The following COL6A2 variants were observed in gnomAD, a reference collection of about 807,000 sequenced individuals.
COL6A2 encodes the protein collagen alpha-2(VI) chain.
In COL6A2, 90 loss-of-function variants were observed where a neutral mutation model predicts 124.9. That is an observed-to-expected ratio of 0.72 (90% CI 0.61 to 0.86). The LOEUF is 0.86. Ranked by LOEUF, COL6A2 falls within the 40% of genes least tolerant of loss-of-function variation. The probability of loss-of-function intolerance (pLI) is 0.00; values close to 1 mark genes in which losing one functional copy is unlikely to be tolerated. For missense variants in COL6A2, 1,607 were observed against 1,502.5 expected (o/e 1.07, Z -1.15); for synonymous variants, 793 against 618.2 (o/e 1.28, Z -4.19).
intron 21 of COL6A2, among the ~76,000 whole-genome samples, chr21:46,123,217 A>C (rs879661482): frequency 5.6e-4 from 38 of 67,422 alleles, no homozygotes; most frequent in Admixed American, 1.9e-3. Context: ...ACATCCCCCC[A>C]GAGTCCCCTC....
intron 26 of COL6A2, 27 bp from the exon 27 acceptor site, chr21:46,126,476 T>TGGCCTGGCCCGGCCC: frequency 6.2e-7 from 1 of 1,611,510 alleles, no homozygotes; most frequent in Non-Finnish European, 8.5e-7. Flanking sequence ...GACCCTGGCC[T>TGGCCTGGCCCGGCCC]GGCCCGGCCT....
intron 4 of COL6A2, 51 bp from the exon 5 acceptor site, chr21:46,113,957 C>T: frequency 6.7e-7 from 1 of 1,497,236 alleles, no homozygotes; most frequent in Non-Finnish European, 9.3e-7. Context: ...GCCCTGCCAC[C>T]TGAGGAATGT....
In COL6A2 at chr21:46,116,897, C is replaced by A; in HGVS notation, c.999+83C>A. On this transcript the variant is annotated intron_variant, in intron 10 of 27. Transcript: ENST00000300527. The surrounding 1 kb of genome is among the most constrained non-coding windows in gnomAD (Gnocchi z 4.6). ...GCAGGGCCCCCAGATCCAGCCTGAT[C>A]TGTCAGCTTACACATGTGTACACAC... is the stretch of plus-strand genomic sequence containing the variant. 7.2e-7 allele frequency: 1 copy of A among 1,395,574 alleles called. No individual in the cohort carries two copies. Among genetic ancestry groups the A allele is most frequent in the African/African-American group, 1.4e-5 (1 of 70,310 alleles). 86.4% of individuals were successfully genotyped at this position (1,395,574 alleles called of 1,614,324 possible).
At chr21:46,118,290 C>A (rs1220961402) in intron 12 of COL6A2, among the ~76,000 whole-genome samples, 1 of 152,146 alleles carries the variant, frequency 6.6e-6, no homozygotes, top group Admixed American at 6.5e-5. Context: ...CCGCCCCTGG[C>A]GGCCCCAGGA....
intron 1 of COL6A2, among the ~76,000 whole-genome samples, chr21:46,109,407 C>T (rs1048541709): frequency 1.1e-4 from 17 of 152,314 alleles, no homozygotes; most frequent in African/African-American, 3.8e-4. Context: ...AAGAAAGCAC[C>T]TTGAGTTCCC....
chr21:46,117,369 C>G, intron 10 of COL6A2, 31 bp from the exon 11 acceptor site: 2 of 1,609,808 alleles, frequency 1.2e-6, no homozygotes, highest in Non-Finnish European at 1.7e-6. Context: ...GAACCCCGCC[C>G]TGAGACTCCT....
intron 16 of COL6A2, 38 bp from the exon 17 acceptor site, chr21:46,121,022 TC>T: frequency 6.3e-7 from 1 of 1,594,900 alleles, no homozygotes; most frequent in Non-Finnish European, 8.6e-7. Flanking sequence ...GGTGCTGCTG[TC>T]AGTCAAGAGA....
chr21:46,122,994 G>A (rs1404670824), intron 21 of COL6A2, 57 bp downstream of exon 21: 3 of 1,526,646 alleles, frequency 2.0e-6, no homozygotes, highest in Non-Finnish European at 2.7e-6. Flanking sequence ...GAGGGGCCCT[G>A]AGGCTGAGCG....
At chr21:46,110,089 C>T (rs2078378565) in intron 1 of COL6A2, among the ~76,000 whole-genome samples, 2 of 152,196 alleles carry the variant, frequency 1.3e-5, no homozygotes, top group Admixed American at 1.3e-4. Flanking sequence ...GGGGCAGGGT[C>T]TCCAGACCTG....
Position 46,120,505 on chromosome 21 carries a change from C to T in COL6A2, c.1333-10C>T, listed in dbSNP as rs199513044. The T allele has an allele frequency of 2.6e-6, 4 of 1,521,328 alleles. No homozygotes were observed. Among genetic ancestry groups the T allele is most frequent in the Non-Finnish European group, 2.6e-6 (3 of 1,135,948 alleles). 94.2% of individuals were successfully genotyped at this position (1,521,328 alleles called of 1,614,324 possible). On this transcript the variant is annotated splice_polypyrimidine_tract_variant and intron_variant, in intron 15 of 27. Coordinates refer to ENST00000300527, the MANE Select transcript of COL6A2 (RefSeq NM_001849.4). ...CTGAGACCCGTGGGGCCTCCCTTCC[C>T]TTCCCACAGGGGGACCCTGGCCCTG...
intron 23 of COL6A2, 151 bp downstream of exon 23, chr21:46,125,071 G>A: frequency 8.3e-7 from 1 of 1,210,696 alleles, no homozygotes; most frequent in Non-Finnish European, 1.2e-6. Context: ...AGCTTGGTTG[G>A]GGAAGGTCAC....
At position 46,132,176 on chromosome 21, in the gene COL6A2, G is replaced by A. The variant is rs112139050; in HGVS notation, c.2684G>A (p.Ser895Asn). 3.2e-6 allele frequency: 5 copies of A among 1,572,680 alleles called. No individual in the cohort carries two copies. In the African/African-American group the frequency reaches 4.1e-5, roughly 13 times the overall value. The change falls in exon 28 of 28, where the codon AGC (serine) becomes AAC (asparagine). Residue 895 changes from serine (S) to asparagine (N), a missense_variant. Around this residue, in one of 3 missense-constraint regions of COL6A2, gnomAD observed 1,223 missense variants for 1,052.2 expected, o/e 1.16. Transcript: ENST00000300527. ...GAGCAGCAGGTGGCCTTCCCGCTGA[G>A]CCACAACCTCACGGCCATCCACGAG... ...PGEQQVAFPL[S>N]HNLTAIHEAL...
rs560403830 is a variant in COL6A2, at chr21:46,122,385, C to G, written c.1573-111C>G. On this transcript the variant is annotated intron_variant, in intron 19 of 27. Transcript: ENST00000300527. ...CAGAACGCAGCACAGTGGCCTCACC[C>G]AGAGTGTGAATGAGCGAGGGAGGGA... 3.3e-5 allele frequency: 48 copies of G among 1,459,292 alleles called. 1 individual carries two copies. In the East Asian group the frequency reaches 4.5e-4, roughly 14 times the overall value. The allele number at this position is 1,459,292 out of a possible 1,614,324, so 90.4% of individuals were successfully genotyped here. A position where few individuals can be genotyped will look rare whatever the true frequency, so the allele number is the denominator to read the frequency against.
chr21:46,118,636 G>A lies in COL6A2; in HGVS notation c.1139G>A (p.Arg380His), dbSNP rs750118927. 8.7e-6 allele frequency: 14 copies of A among 1,612,408 alleles called. No individual in the cohort carries two copies. The highest frequency in any genetic ancestry group is 2.2e-5 in the East Asian group (1 of 44,876). The change falls in exon 13 of 28, where the codon CGC (arginine) becomes CAC (histidine). Residue 380 changes from arginine (R) to histidine (H), a missense_variant. Transcript: ENST00000300527. ...CAGGGGGACCCTGGCCGCCCAGGAC[G>A]CAGAGGGCCCCCGGGAGAAATCGGG... ...GGKGDPGRPGRRGPPGEIGAK... is the reference protein window; with the variant it reads ...GGKGDPGRPGHRGPPGEIGAK...
At position 46,112,235 on chromosome 21, in the gene COL6A2, C is replaced by T. The variant is rs1160627747; in HGVS notation, c.372C>T (p.Gly124=). The stretch of plus-strand genomic sequence containing the variant: ...CCTCCTTCATCAAGAACCTGCAGGG[C>T]ATCAGCTCCTTCCGCCGCGGCACCT... The part of the protein sequence containing the change: ...DRASFIKNLQ[G]ISSFRRGTFT... The change falls in exon 3 of 28, where the codon GGC becomes GGT. Residue 124 remains glycine (G), a synonymous_variant. Coordinates refer to ENST00000300527, the MANE Select transcript of COL6A2 (RefSeq NM_001849.4). The T allele has an allele frequency of 1.2e-6, 2 of 1,612,900 alleles. No homozygotes were observed. Among genetic ancestry groups the T allele is most frequent in the Non-Finnish European group, 1.7e-6 (2 of 1,180,024 alleles).
chr21:46,132,464 G>A lies in COL6A2; in HGVS notation c.2972G>A (p.Gly991Asp), dbSNP rs779952528. The A allele has an allele frequency of 5.6e-6, 9 of 1,606,790 alleles. No homozygotes were observed. In the East Asian group the frequency reaches 1.6e-4, roughly 28 times the overall value. ...DMDVLTTLSLGDRAAVFHEKD... is the reference protein window; with the variant it reads ...DMDVLTTLSLDDRAAVFHEKD... ...GACGTGCTCACCACGCTCAGCCTGG[G>A]TGACCGCGCCGCCGTGTTCCACGAG... The change falls in exon 28 of 28, where the codon GGT becomes GAT. Residue 991 changes from glycine (G) to aspartate (D), a missense_variant. Gly to Asp is a moderately conservative substitution (Grantham distance 94). This residue lies in a region of COL6A2 where 1,223 missense variants were observed against 1,052.2 expected (regional missense o/e 1.16). Coordinates refer to ENST00000300527, the MANE Select transcript of COL6A2 (RefSeq NM_001849.4).
chr21:46,106,202 A>G (rs2078333991), intron 1 of COL6A2, among the ~76,000 whole-genome samples: 2 of 152,256 alleles, frequency 1.3e-5, no homozygotes, highest in Admixed American at 6.5e-5. Context: ...ATATTTATGC[A>G]CCTAATAACA....
At chr21:46,122,345 GA>G in intron 19 of COL6A2, 150 bp from the exon 20 acceptor site, 1 of 1,276,856 alleles carries the variant, frequency 7.8e-7, no homozygotes, top group Non-Finnish European at 1.1e-6. Flanking sequence ...CCAGCATCAG[GA>G]AAAGAGCACA....
Position 46,116,180 on chromosome 21 carries a change from C to T in COL6A2, c.900+127C>T. 1 of 1,185,804 alleles carries T rather than the reference C, an allele frequency of 8.4e-7. No individual in the cohort carries two copies. Among genetic ancestry groups the T allele is most frequent in the Non-Finnish European group, 1.2e-6 (1 of 816,784 alleles). 73.5% of individuals were successfully genotyped at this position (1,185,804 alleles called of 1,614,324 possible). The stretch of plus-strand genomic sequence containing the variant: ...CCCCAGTTACCAAGGAACAGAAGCA[C>T]CTCGATAACTTGATGGCCGTCCCAA... On this transcript the variant is annotated intron_variant, in intron 7 of 27. Coordinates refer to ENST00000300527, the MANE Select transcript of COL6A2 (RefSeq NM_001849.4). The surrounding 1 kb of genome is among the most constrained non-coding windows in gnomAD (Gnocchi z 4.6).
Sources: allele counts gnomAD v4.1 joint callset (sites outside exome capture counted in the v4.1 genomes callset), GRCh38; gene constraint gnomAD v4.1.1; regional missense constraint gnomAD v4.1.1; non-coding constraint Gnocchi (gnomAD v3.1); transcripts MANE v1.5; gene names NCBI Gene and HGNC (gene_info 2026-07-23, HGNC 2026-07-21).